Variants in PALM2AKAP2 observed in about 807,000 individuals in gnomAD.
PALM2AKAP2 encodes the protein PALM2-AKAP2 fusion protein.
Under a neutral mutation model 71.5 loss-of-function variants are expected in PALM2AKAP2, and 37 were observed. The ratio of observed to expected loss-of-function variants is 0.52; its 90% CI spans 0.40 to 0.68. PALM2AKAP2 has a LOEUF of 0.68. Among genes scored for constraint, PALM2AKAP2 ranks in the 30% least tolerant of loss-of-function variants. The pLI is 0.00. For synonymous variants in PALM2AKAP2, 468 were observed against 478.8 expected, an observed-to-expected ratio of 0.98 and a Z score of 0.29; for missense variants, 1,224 against 1,191.8, an observed-to-expected ratio of 1.03 and a Z score of -0.40.
rs781359532 is a variant in PALM2AKAP2 at position 110,136,283 on chromosome 9, A to G, written c.313A>G (p.Ile105Val). Residue 105 changes from isoleucine to valine, a missense_variant, in exon 2 of 4, where the codon ATC (isoleucine) becomes GTC (valine). Ile to Val is a conservative substitution (Grantham distance 29). Transcript: ENST00000374525. ...TGCAGAATGTAAAAGTGTTCCTGGA[A>G]TCACCTCTACCCCACATCCCATGGA... 48 of 1,614,034 alleles carry G rather than the reference A, an allele frequency of 3.0e-5. 1 individual carries two copies. In the South Asian group the frequency reaches 5.2e-4, roughly 17 times the overall value.
intron 1 of PALM2AKAP2, among the ~76,000 whole-genome samples, chr9:109,848,526 C>T (rs1361130143): frequency 1.3e-5 from 2 of 152,158 alleles, no homozygotes; most frequent in Non-Finnish European, 2.9e-5. Context: ...CCTCCTAGAG[C>T]TCATGTCATG....
At chr9:110,088,645 A>G (rs1358301389) in intron 1 of PALM2AKAP2, among the ~76,000 whole-genome samples, 3 of 147,016 alleles carry the variant, frequency 2.0e-5, no homozygotes, top group African/African-American at 7.5e-5. Context: ...ATAAAGAGCT[A>G]TATAGCTGCA....
chr9:109,794,242 ATGTTGT>A (rs920580679), intron 1 of PALM2AKAP2, among the ~76,000 whole-genome samples: 2 of 151,900 alleles, frequency 1.3e-5, no homozygotes, highest in African/African-American at 2.4e-5. Flanking sequence ...AGCCAACTGC[ATGTTGT>A]TGTTGTTGTT....
At chr9:109,842,107 A>G (rs74364816) in intron 1 of PALM2AKAP2, among the ~76,000 whole-genome samples, 2,037 of 152,186 alleles carry the variant, frequency 0.013, 43 homozygotes, top group African/African-American at 0.043. Flanking sequence ...TCAGTTTCCC[A>G]TTCACATATA....
chr9:109,714,578 C>G (rs1828288453), intron 1 of PALM2AKAP2, among the ~76,000 whole-genome samples: 1 of 152,194 alleles, frequency 6.6e-6, no homozygotes, highest in African/African-American at 2.4e-5. Context: ...CTGGATATTA[C>G]CTGTGCCCAC....
chr9:110,168,584 T>C, exon 4 of PALM2AKAP2: 1 of 1,454,510 alleles, frequency 6.9e-7, no homozygotes, highest in African/African-American at 1.4e-5. Context: ...AATGGACTAT[T>C]TATTAAAGTG....
intron 1 of PALM2AKAP2, among the ~76,000 whole-genome samples, chr9:110,115,445 C>G (rs151293399): frequency 6.6e-6 from 1 of 152,188 alleles, no homozygotes; most frequent in Non-Finnish European, 1.5e-5. Context: ...GGCCCTGGCT[C>G]GAGTCTTCAT....
At chr9:109,732,633 A>T (rs1377405347) in intron 1 of PALM2AKAP2, among the ~76,000 whole-genome samples, 1 of 152,216 alleles carries the variant, frequency 6.6e-6, no homozygotes, top group African/African-American at 2.4e-5. Flanking sequence ...CCCTGATGAT[A>T]CGGTGATTAC....
At chr9:110,024,997 CT>C in intron 7 of PALM2AKAP2, 3 of 1,293,472 alleles carry the variant, frequency 2.3e-6, no homozygotes, top group Non-Finnish European at 3.4e-6. Context: ...ACCCAGGTAC[CT>C]TTCTCTTTGG....
At chr9:109,919,039 G>A (rs1043496943) in intron 3 of PALM2AKAP2, among the ~76,000 whole-genome samples, 2 of 152,188 alleles carry the variant, frequency 1.3e-5, no homozygotes, top group South Asian at 2.1e-4. Context: ...GCATCAGGTC[G>A]CAGAGAATTC....
chr9:109,964,309 T>C lies in PALM2AKAP2; in HGVS notation c.496+32281T>C, dbSNP rs189526261. On this transcript the variant is annotated intron_variant, in intron 6 of 9. Transcript: ENST00000302798. ...ATGAGAGGTTTTGGCCCTAGCTAAATTGGTTTAGTGGTGAAGAAGATTGAA... is the reference window on the plus strand; with the variant it reads ...ATGAGAGGTTTTGGCCCTAGCTAAACTGGTTTAGTGGTGAAGAAGATTGAA... 3.9e-5 allele frequency among the ~76,000 whole-genome samples: 6 copies of C among 152,238 alleles called. No individual in the cohort carries two copies. The East Asian group carries it at 1.2e-3, about 29-fold the overall frequency.
intron 7 of PALM2AKAP2, among the ~76,000 whole-genome samples, chr9:110,037,495 C>T (rs543767252): frequency 4.6e-5 from 7 of 152,268 alleles, no homozygotes; most frequent in Admixed American, 2.6e-4. Context: ...CGTGAGCCAC[C>T]GCACCCGGCT....
rs200831080 is a variant in PALM2AKAP2 at position 110,170,231 on chromosome 9, C to CT, written c.*1743dup. Reference sequence around the variant, plus strand: ...GAAAGAAAAAAAAATAAACAGCCTTCTTTTTTTTTCCTTTGTTTTAAAACT... The same window carrying CT: ...GAAAGAAAAAAAAATAAACAGCCTTCTTTTTTTTTTCCTTTGTTTTAAAACT... On this transcript the variant is annotated 3_prime_UTR_variant, in exon 4 of 4. Coordinates refer to ENST00000374525, the Ensembl canonical transcript of PALM2AKAP2. 906 of 151,660 alleles carry CT rather than the reference C, an allele frequency of 6.0e-3. 6 individuals are homozygous for CT. Among genetic ancestry groups the CT allele is most frequent in the South Asian group, 0.011 (51 of 4,770 alleles). The allele number at this position is 151,660 out of a possible 1,614,324, so 9.4% of individuals were successfully genotyped here.
rs1434345253 is a variant in PALM2AKAP2 at position 109,934,878 on chromosome 9, T to C, written c.496+2850T>C. On this transcript the variant is annotated intron_variant, in intron 6 of 9. Coordinates refer to the PALM2AKAP2 transcript ENST00000302798. Reference sequence around the variant, plus strand: ...CCTACAGAATTCTTTTGTTTTTTAATCTCGAAAGACAAAAATAAGCATGAG... The same window carrying C: ...CCTACAGAATTCTTTTGTTTTTTAACCTCGAAAGACAAAAATAAGCATGAG... Among the ~76,000 whole-genome samples the C allele has an allele frequency of 4.6e-5, 7 of 152,222 alleles. No homozygotes were observed. The South Asian group carries it at 8.3e-4, about 18-fold the overall frequency.
chr9:109,952,131 A>T (rs1831656622), intron 6 of PALM2AKAP2, among the ~76,000 whole-genome samples: 2 of 152,236 alleles, frequency 1.3e-5, no homozygotes, highest in South Asian at 4.1e-4. Flanking sequence ...ACAACTACTC[A>T]GCTCTGCTGC....
In PALM2AKAP2 at chr9:109,852,085, A is replaced by G. The variant is rs182362347; in HGVS notation, c.46-15406A>G. On this transcript the variant is annotated intron_variant, in intron 1 of 9. Transcript: ENST00000302798. ...CAGATGATCAGCTTTTAAAAAAAAA[A>G]TAATTAAAGAATATTTATTTATTTA... 5.5e-3 allele frequency among the ~76,000 whole-genome samples: 841 copies of G among 152,316 alleles called. 7 individuals carry two copies. The highest frequency in any genetic ancestry group is 0.019 in the African/African-American group (803 of 41,580).
At chr9:109,920,708 A>G (rs1284340563) in intron 3 of PALM2AKAP2, among the ~76,000 whole-genome samples, 2 of 152,032 alleles carry the variant, frequency 1.3e-5, no homozygotes, top group African/African-American at 4.8e-5. Context: ...TGCACACCCT[A>G]AATATCTGCT....
At chr9:109,766,236 G>T (rs1235193575) in intron 1 of PALM2AKAP2, among the ~76,000 whole-genome samples, 1 of 152,134 alleles carries the variant, frequency 6.6e-6, no homozygotes, top group Admixed American at 6.5e-5. Flanking sequence ...AAACTGCCGA[G>T]TCAATGACCC....
At chr9:110,162,824 T>A (rs1391162098) in intron 3 of PALM2AKAP2, among the ~76,000 whole-genome samples, 1 of 152,146 alleles carries the variant, frequency 6.6e-6, no homozygotes, top group Non-Finnish European at 1.5e-5. Context: ...TATCTCAGCC[T>A]CCCAAAGAGC....
Sources: allele counts gnomAD v4.1 joint callset (sites outside exome capture counted in the v4.1 genomes callset), GRCh38; gene constraint gnomAD v4.1.1; transcripts MANE v1.5; gene names NCBI Gene and HGNC (gene_info 2026-07-23, HGNC 2026-07-21).